SLC25A37: variants seen among roughly 807,000 people sequenced by gnomAD.
SLC25A37 encodes the protein solute carrier family 25 member 37.
A neutral mutation model predicts 31.0 loss-of-function variants in SLC25A37; 17 were observed. The observed-to-expected ratio is 0.55, with a 90% CI of 0.38 to 0.82. The LOEUF is 0.82. Among genes scored for constraint, SLC25A37 ranks in the 40% least tolerant of loss-of-function variants. The probability of loss-of-function intolerance (pLI) is 0.00; values close to 1 mark genes in which losing one functional copy is unlikely to be tolerated. For synonymous variants in SLC25A37, 222 were observed against 193.0 expected (o/e 1.15, Z -1.24); for missense variants, 404 against 465.8 (o/e 0.87, Z 1.22).
intron 1 of SLC25A37, among the ~76,000 whole-genome samples, chr8:23,536,493 T>C (rs1801771569): frequency 6.6e-6 from 1 of 151,960 alleles, no homozygotes; most frequent in South Asian, 2.1e-4. Context: ...ATCCTCAGTT[T>C]TCCTCTTTGG....
In SLC25A37 at chr8:23,574,801, T is replaced by C. The variant is rs1801451; in HGVS notation, c.*2946T>C. The stretch of plus-strand genomic sequence containing the variant: ...CCCACTATCCCACCCTGGTGACCAA[T>C]TCAGTGTAACCTTTGCACGTACTCA... On this transcript the variant is annotated 3_prime_UTR_variant, in exon 4 of 4. Coordinates refer to ENST00000519973, the MANE Select transcript of SLC25A37 (RefSeq NM_016612.4). The C allele has an allele frequency of 0.29, 43,845 of 153,382 alleles. 7,204 individuals are homozygous for C. Among genetic ancestry groups the C allele is most frequent in the African/African-American group, 0.47 (19,534 of 41,402 alleles). The allele number at this position is 153,382 out of a possible 1,614,324, so 9.5% of individuals were successfully genotyped here.
intron 1 of SLC25A37, among the ~76,000 whole-genome samples, chr8:23,544,595 C>T (rs7845426): frequency 0.063 from 9,616 of 152,034 alleles, 652 homozygotes; most frequent in East Asian, 0.34. Context: ...CTGCACCTCA[C>T]GGGGAGGAGT....
At chr8:23,557,085 A>G (rs113154195) in intron 1 of SLC25A37, among the ~76,000 whole-genome samples, 1,599 of 152,216 alleles carry the variant, frequency 0.011, 36 homozygotes, top group African/African-American at 0.034. Flanking sequence ...CCCTGACCTC[A>G]GGTAATCTGC....
In SLC25A37 at chr8:23,572,407, G is replaced by GTT. The variant is rs1192237773; in HGVS notation, c.*556_*557dup. ...CTCCAGCTGTTTTTGTTGTTGTTAT[G>GTT]TTTTTAAGAGGGTTGAATTCTTCCA... is the stretch of plus-strand genomic sequence containing the variant. On this transcript the variant is annotated 3_prime_UTR_variant, in exon 4 of 4. Transcript: ENST00000519973. The GTT allele has an allele frequency of 6.6e-6, 1 of 152,268 alleles. No homozygotes were observed. The highest frequency in any genetic ancestry group is 1.5e-5 in the Non-Finnish European group (1 of 68,074). 9.4% of individuals were successfully genotyped at this position (152,268 alleles called of 1,614,324 possible).
intron 1 of SLC25A37, among the ~76,000 whole-genome samples, chr8:23,562,673 T>C (rs1360829465): frequency 6.6e-6 from 1 of 152,200 alleles, no homozygotes; most frequent in East Asian, 1.9e-4. Context: ...CAGGGGACTC[T>C]TGTGTTATTA....
In SLC25A37 at chr8:23,545,253, G is replaced by A. The variant is rs1014451221; in HGVS notation, c.210+16041G>A. Among the ~76,000 whole-genome samples, 3 of 152,196 alleles carry A rather than the reference G, an allele frequency of 2.0e-5. 1 individual carries two copies. Among genetic ancestry groups the A allele is most frequent in the South Asian group, 4.1e-4 (2 of 4,830 alleles). ...GGGCCTGCTCTGGAGGCTCAGATTCGTGTGTCACTTCTTGTCTCTTTTGAA... is the reference window on the plus strand; with the variant it reads ...GGGCCTGCTCTGGAGGCTCAGATTCATGTGTCACTTCTTGTCTCTTTTGAA... On this transcript the variant is annotated intron_variant, in intron 1 of 3. Transcript: ENST00000519973.
chr8:23,540,848 T>A (rs1467086593), intron 1 of SLC25A37, among the ~76,000 whole-genome samples: 1 of 152,130 alleles, frequency 6.6e-6, no homozygotes, highest in African/African-American at 2.4e-5. Context: ...ACGCATGTAG[T>A]GAGAAAATAC....
rs200894568 is a variant in SLC25A37 at position 23,536,199 on chromosome 8, C to G, written c.210+6987C>G. ...GTGTTTCTACAGATCCAAGCCCATC[C>G]TGTCTTAAATAAACCCCAGACTTCT... On this transcript the variant is annotated intron_variant, in intron 1 of 3. Coordinates refer to ENST00000519973, the MANE Select transcript of SLC25A37 (RefSeq NM_016612.4). Among the ~76,000 whole-genome samples, 13 of 152,320 alleles carry G rather than the reference C, an allele frequency of 8.5e-5. No individual in the cohort carries two copies. The East Asian group carries it at 2.5e-3, about 29-fold the overall frequency.
At position 23,566,114 on chromosome 8, in the gene SLC25A37, A is replaced by T; in HGVS notation, c.217A>T (p.Met73Leu). Residue 73 changes from methionine to leucine, a missense_variant, in exon 2 of 4, where the codon ATG (methionine) becomes TTG (leucine). Physicochemically the swap from Met to Leu is conservative, Grantham distance 15. This residue lies in a region of SLC25A37 where 154 missense variants were observed against 153.6 expected (regional missense o/e 1.00). Coordinates refer to ENST00000519973, the MANE Select transcript of SLC25A37 (RefSeq NM_016612.4). Reference sequence around the variant, plus strand: ...TCTTCTTGCCCGCTCCCAGACACGAATGCAGAGTTTGAGTCCAGATCCCAA... The same window carrying T: ...TCTTCTTGCCCGCTCCCAGACACGATTGCAGAGTTTGAGTCCAGATCCCAA... Reference protein sequence around the residue: ...MYPVDSVKTRMQSLSPDPKAQ... With the variant: ...MYPVDSVKTRLQSLSPDPKAQ... The T allele has an allele frequency of 6.3e-7, 1 of 1,584,532 alleles. No homozygotes were observed. Among genetic ancestry groups the T allele is most frequent in the Non-Finnish European group, 8.5e-7 (1 of 1,170,886 alleles).
chr8:23,546,576 ATATAT>A (rs1310961069), intron 1 of SLC25A37, among the ~76,000 whole-genome samples: 1 of 56,978 alleles, frequency 1.8e-5, no homozygotes, highest in African/African-American at 1.1e-4. Context: ...ATATATATAT[ATATAT>A]AGTGTATATA....
chr8:23,533,297 G>T (rs1448072850), intron 1 of SLC25A37, among the ~76,000 whole-genome samples: 3 of 152,186 alleles, frequency 2.0e-5, no homozygotes, highest in Non-Finnish European at 4.4e-5. Context: ...ACTGTGAACA[G>T]CAAAGGGGGC....
intron 1 of SLC25A37, among the ~76,000 whole-genome samples, chr8:23,544,109 C>T (rs112866586): frequency 0.031 from 4,784 of 152,252 alleles, 113 homozygotes; most frequent in Middle Eastern, 0.054. Flanking sequence ...ATCCACCTGC[C>T]CTAGCCTCCC....
intron 1 of SLC25A37, among the ~76,000 whole-genome samples, chr8:23,546,805 C>T (rs1456083862): frequency 6.6e-6 from 1 of 151,572 alleles, no homozygotes. Context: ...CTCTTAGCTA[C>T]TTATTTGTTT....
chr8:23,558,317 G>A (rs1802421771), intron 1 of SLC25A37, among the ~76,000 whole-genome samples: 1 of 152,110 alleles, frequency 6.6e-6, no homozygotes, highest in Non-Finnish European at 1.5e-5. Context: ...GGCTCAGCTT[G>A]CCCCCTTCTC....
At chr8:23,542,182 A>G (rs2117397820) in intron 1 of SLC25A37, among the ~76,000 whole-genome samples, 1 of 152,268 alleles carries the variant, frequency 6.6e-6, no homozygotes, top group East Asian at 1.9e-4. Flanking sequence ...CCTATTACCT[A>G]GGGGCATCAC....
chr8:23,568,487 C>G (rs1802728488), intron 3 of SLC25A37, 109 bp downstream of exon 3: 8 of 1,224,256 alleles, frequency 6.5e-6, no homozygotes, highest in Non-Finnish European at 9.7e-6. Flanking sequence ...GGCTCCTAGT[C>G]TCCAGTCAGA....
At chr8:23,534,750 C>T (rs1488665236) in intron 1 of SLC25A37, among the ~76,000 whole-genome samples, 1 of 152,228 alleles carries the variant, frequency 6.6e-6, no homozygotes, top group Non-Finnish European at 1.5e-5. Flanking sequence ...TGGTACCGAT[C>T]TCCCAGGGTG....
intron 1 of SLC25A37, among the ~76,000 whole-genome samples, chr8:23,559,337 TTGTG>T (rs746195333): frequency 1.5e-5 from 2 of 133,204 alleles, no homozygotes; most frequent in Non-Finnish European, 3.3e-5. Context: ...CTGTCTCCGG[TTGTG>T]TGTGTGTGTG....
chr8:23,566,790 C>G, intron 2 of SLC25A37: 2 of 987,888 alleles, frequency 2.0e-6, no homozygotes. Flanking sequence ...TCTACAACGC[C>G]AAGATCTAAC....
Sources: allele counts gnomAD v4.1 joint callset (sites outside exome capture counted in the v4.1 genomes callset), GRCh38; gene constraint gnomAD v4.1.1; regional missense constraint gnomAD v4.1.1; transcripts MANE v1.5; gene names NCBI Gene and HGNC (gene_info 2026-07-23, HGNC 2026-07-21).